AUTS2: variants seen among roughly 807,000 people sequenced by gnomAD.
The protein encoded by AUTS2 is activator of transcription and developmental regulator AUTS2.
A neutral mutation model predicts 112.4 loss-of-function variants in AUTS2; 17 were observed. The observed-to-expected ratio is 0.15, with a 90% CI of 0.10 to 0.23. The LOEUF (loss-of-function observed/expected upper bound fraction) is 0.23, where lower values mean the gene tolerates loss of function less well. Ranked by LOEUF, AUTS2 falls within the 10% of genes least tolerant of loss-of-function variation. The probability of loss-of-function intolerance (pLI) is 1.00; values close to 1 mark genes in which losing one functional copy is unlikely to be tolerated. For synonymous variants in AUTS2, 751 were observed against 702.7 expected, an observed-to-expected ratio of 1.07 and a Z score of -1.09; for missense variants, 1,510 against 1,701.6, an observed-to-expected ratio of 0.89 and a Z score of 1.98.
chr7:70,724,483 TCG>T (rs1236281864), intron 6 of AUTS2, among the ~76,000 whole-genome samples: 1 of 144,104 alleles, frequency 6.9e-6, no homozygotes, highest in Non-Finnish European at 1.5e-5. Flanking sequence ...TCTCGCTTTG[TCG>T]CCCAGGCTGG....
chr7:70,295,558 T>C (rs917835703), intron 4 of AUTS2, among the ~76,000 whole-genome samples: 5 of 152,214 alleles, frequency 3.3e-5, no homozygotes, highest in Admixed American at 2.6e-4. Flanking sequence ...CCACACTGCA[T>C]ATTTAATCAG....
At chr7:70,576,343 G>C (rs1802165180) in intron 5 of AUTS2, among the ~76,000 whole-genome samples, 1 of 152,170 alleles carries the variant, frequency 6.6e-6, no homozygotes, top group Non-Finnish European at 1.5e-5. Flanking sequence ...CCCCTGCTGA[G>C]CTGTGTTTAT....
chr7:69,795,401 C>T (rs1435777796), intron 1 of AUTS2, among the ~76,000 whole-genome samples: 2 of 152,096 alleles, frequency 1.3e-5, no homozygotes, highest in African/African-American at 4.8e-5. Flanking sequence ...CTCTTGTAGC[C>T]AGGCGGAGTG....
chr7:69,791,002 A>T (rs545763090), intron 1 of AUTS2, among the ~76,000 whole-genome samples: 1 of 152,300 alleles, frequency 6.6e-6, no homozygotes, highest in African/African-American at 2.4e-5. Flanking sequence ...TCTTGGCTCC[A>T]CTAATTGAAA....
At chr7:70,090,215 G>A (rs1803840674) in intron 2 of AUTS2, among the ~76,000 whole-genome samples, 1 of 151,686 alleles carries the variant, frequency 6.6e-6, no homozygotes, top group African/African-American at 2.4e-5. Context: ...ACCCATTCAT[G>A]TATACCATAA....
At chr7:70,714,209 C>G (rs1810225670) in intron 6 of AUTS2, among the ~76,000 whole-genome samples, 1 of 152,160 alleles carries the variant, frequency 6.6e-6, no homozygotes, top group Non-Finnish European at 1.5e-5. Context: ...AAATTTTCAA[C>G]TCTAATTCAA....
intron 2 of AUTS2, among the ~76,000 whole-genome samples, chr7:70,088,294 T>G (rs1803717990): frequency 6.6e-6 from 1 of 151,604 alleles, no homozygotes; most frequent in South Asian, 2.1e-4. Flanking sequence ...TGGCTAAATT[T>G]GTTTTTGTAT....
In AUTS2 at chr7:70,714,408, T is replaced by G. The variant is rs187919854; in HGVS notation, c.742+15788T>G. 2.6e-5 allele frequency among the ~76,000 whole-genome samples: 4 copies of G among 152,274 alleles called. No individual in the cohort carries two copies. The East Asian group carries it at 7.7e-4, about 29-fold the overall frequency. On this transcript the variant is annotated intron_variant, in intron 6 of 18. Coordinates refer to ENST00000342771, the MANE Select transcript of AUTS2 (RefSeq NM_015570.4). Reference sequence around the variant, plus strand: ...TTACGACTACATACTTTAGTGCACATCTATAAAAAAGAACATTTCTTACAA... The same window carrying G: ...TTACGACTACATACTTTAGTGCACAGCTATAAAAAAGAACATTTCTTACAA...
chr7:70,450,699 G>T (rs1464795996), intron 5 of AUTS2, among the ~76,000 whole-genome samples: 3 of 152,184 alleles, frequency 2.0e-5, no homozygotes, highest in Non-Finnish European at 4.4e-5. Context: ...TTTGGAGGAG[G>T]ATTCAGGCAG....
intron 6 of AUTS2, among the ~76,000 whole-genome samples, chr7:70,710,102 A>T (rs1484158716): frequency 6.6e-6 from 1 of 152,040 alleles, no homozygotes; most frequent in South Asian, 2.1e-4. Context: ...GAGATGATTT[A>T]TCTGCTCAGT....
At chr7:70,279,726 T>A (rs1788114727) in intron 4 of AUTS2, among the ~76,000 whole-genome samples, 1 of 152,224 alleles carries the variant, frequency 6.6e-6, no homozygotes, top group Non-Finnish European at 1.5e-5. Flanking sequence ...AGATGTACTG[T>A]TGAGAAGATT....
At chr7:70,158,298 G>A (rs1389603483) in intron 4 of AUTS2, among the ~76,000 whole-genome samples, 3 of 152,136 alleles carry the variant, frequency 2.0e-5, no homozygotes, top group African/African-American at 7.2e-5. Flanking sequence ...AGCTCACTCA[G>A]TTAGTTTTGT....
At chr7:69,970,626 C>T (rs117556676) in intron 2 of AUTS2, among the ~76,000 whole-genome samples, 9 of 152,266 alleles carry the variant, frequency 5.9e-5, no homozygotes, top group Non-Finnish European at 1.2e-4. Context: ...TGCTCCAAAA[C>T]CCTGCTAGAG....
chr7:69,741,635 G>A lies in AUTS2; in HGVS notation c.309+141673G>A, dbSNP rs1167916753. ...CAGGAGGATGGATTGAGCCTGGAAG[G>A]CAGAGGTTGCAGTGAGCCATGATGG... is the stretch of plus-strand genomic sequence containing the variant. On this transcript the variant is annotated intron_variant, in intron 1 of 18. Transcript: ENST00000342771. 4.6e-5 allele frequency among the ~76,000 whole-genome samples: 7 copies of A among 151,998 alleles called. No homozygotes were observed. The East Asian group carries it at 1.4e-3, about 29-fold the overall frequency.
chr7:70,646,416 C>T (rs946352395), intron 5 of AUTS2, among the ~76,000 whole-genome samples: 1 of 152,212 alleles, frequency 6.6e-6, no homozygotes, highest in Non-Finnish European at 1.5e-5. Context: ...GTCACATCCA[C>T]TAAGGTCAGC....
chr7:70,225,868 A>G (rs1477102127), intron 4 of AUTS2, among the ~76,000 whole-genome samples: 1 of 152,120 alleles, frequency 6.6e-6, no homozygotes, highest in Admixed American at 6.5e-5. Flanking sequence ...TGTAGCTCCC[A>G]GTGGTAGATT....
chr7:69,909,043 T>C (rs2129541602), intron 2 of AUTS2, among the ~76,000 whole-genome samples: 1 of 152,320 alleles, frequency 6.6e-6, no homozygotes, highest in African/African-American at 2.4e-5. Flanking sequence ...TATTTTTAAA[T>C]AAACTGTACT....
At chr7:70,035,499 G>A (rs1800960785) in intron 2 of AUTS2, among the ~76,000 whole-genome samples, 1 of 152,084 alleles carries the variant, frequency 6.6e-6, no homozygotes, top group South Asian at 2.1e-4. Context: ...TTTTCTTTTT[G>A]TCTAGACTTG....
chr7:69,761,949 A>G (rs1788202229), intron 1 of AUTS2, among the ~76,000 whole-genome samples: 6 of 152,188 alleles, frequency 3.9e-5, no homozygotes. Context: ...TTGCACATTT[A>G]TTGGGTACCT....
Sources: allele counts gnomAD v4.1 joint callset (sites outside exome capture counted in the v4.1 genomes callset), GRCh38; gene constraint gnomAD v4.1.1; transcripts MANE v1.5; gene names NCBI Gene and HGNC (gene_info 2026-07-23, HGNC 2026-07-21).